Variants in KIF7 observed in about 807,000 individuals in gnomAD.
The protein encoded by KIF7 is kinesin-like protein KIF7.
Under a neutral mutation model 135.7 loss-of-function variants are expected in KIF7, and 104 were observed. The observed-to-expected ratio is 0.77, with a 90% CI of 0.65 to 0.90. The LOEUF (loss-of-function observed/expected upper bound fraction) is 0.90, where lower values mean the gene tolerates loss of function less well. KIF7 is among the 40% of genes least tolerant of loss of function. The probability of loss-of-function intolerance (pLI) is 0.00; values close to 1 mark genes in which losing one functional copy is unlikely to be tolerated. For synonymous variants in KIF7, 883 were observed against 809.4 expected, an observed-to-expected ratio of 1.09 and a Z score of -1.54; for missense variants, 2,005 against 1,839.1, an observed-to-expected ratio of 1.09 and a Z score of -1.65.
chr15:89,638,587 G>A (rs1345228499), intron 11 of KIF7, among the ~76,000 whole-genome samples: 1 of 149,478 alleles, frequency 6.7e-6, no homozygotes, highest in Non-Finnish European at 1.5e-5. Context: ...CAACTTACAA[G>A]GGATGTGAAG....
intron 11 of KIF7, among the ~76,000 whole-genome samples, chr15:89,639,477 C>G (rs1963877107): frequency 8.0e-6 from 1 of 125,256 alleles, no homozygotes; most frequent in African/African-American, 3.1e-5. Flanking sequence ...AAAAAGTGGG[C>G]AAAGGATATG....
rs779273024 is a variant in KIF7 at position 89,630,483 on chromosome 15, G to A, written c.3122C>T (p.Thr1041Met). 1.2e-5 allele frequency: 19 copies of A among 1,539,314 alleles called. No individual in the cohort carries two copies. The highest frequency in any genetic ancestry group is 6.0e-5 in the Admixed American group (3 of 49,650). The change falls in exon 16 of 19, where the codon ACG (threonine) becomes ATG (methionine). Residue 1041 changes from threonine (T) to methionine (M), a missense_variant. Physicochemically the swap from Thr to Met is moderately conservative, Grantham distance 81. Coordinates refer to ENST00000394412, the MANE Select transcript of KIF7 (RefSeq NM_198525.3). Reference protein sequence around the residue: ...GSLLSPEEERTLFQLDEAIEA... With the variant: ...GSLLSPEEERMLFQLDEAIEA... The stretch of plus-strand genomic sequence containing the variant: ...GATGGCCTCATCCAACTGGAACAGC[G>A]TCCGCTCCTCCTGCAGAGACGGGCA...
chr15:89,649,177 C>G lies in KIF7; in HGVS notation c.720G>C (p.Pro240=). 1.3e-6 allele frequency: 2 copies of G among 1,546,884 alleles called. No homozygotes were observed. The highest frequency in any genetic ancestry group is 1.7e-6 in the Non-Finnish European group (2 of 1,146,434). Reference sequence around the variant, plus strand: ...GGAACTTGGAGACGAGCAGCTGGCCCGGGGCGGGGCGGGGTAGGCGGCTGG... The same window carrying G: ...GGAACTTGGAGACGAGCAGCTGGCCGGGGGCGGGGCGGGGTAGGCGGCTGG... ...RAPSRLPRPA[P]GQLLVSKFHF... The change falls in exon 4 of 19, where the codon CCG becomes CCC. Residue 240 remains proline, a synonymous_variant. Transcript: ENST00000394412.
At chr15:89,629,840 G>C in intron 16 of KIF7, 1 of 570,232 alleles carries the variant, frequency 1.8e-6, no homozygotes, top group Non-Finnish European at 3.1e-6. Flanking sequence ...AGAGCGTCAA[G>C]TTGTGGGATT....
rs942043191 is a variant in KIF7 at position 89,647,665 on chromosome 15, C to T, written c.1491G>A (p.Ala497=). ...QQLLTLQNQV[A]RLEEENRDFL... Reference sequence around the variant, plus strand: ...AGTCTCGGTTCTCCTCCTCCAGCCGCGCCACCTGGTTCTGCAGGGTCAGCA... The same window carrying T: ...AGTCTCGGTTCTCCTCCTCCAGCCGTGCCACCTGGTTCTGCAGGGTCAGCA... Residue 497 remains alanine (A), a synonymous_variant, in exon 6 of 19, where the codon GCG becomes GCA. Coordinates refer to ENST00000394412, the MANE Select transcript of KIF7 (RefSeq NM_198525.3). The T allele has an allele frequency of 8.1e-6, 13 of 1,609,482 alleles. No individual in the cohort carries two copies. The highest frequency in any genetic ancestry group is 1.1e-5 in the Non-Finnish European group (13 of 1,179,234).
At chr15:89,634,243 G>A (rs1963753188) in intron 11 of KIF7, among the ~76,000 whole-genome samples, 1 of 152,188 alleles carries the variant, frequency 6.6e-6, no homozygotes, top group Non-Finnish European at 1.5e-5. Flanking sequence ...AGGTTGCAGT[G>A]AGCCGGGATC....
rs1019422988 is a variant in KIF7 at position 89,648,765 on chromosome 15, T to A, written c.933A>T (p.Lys311Asn). 1.3e-6 allele frequency: 2 copies of A among 1,534,006 alleles called. No homozygotes were observed. The highest frequency in any genetic ancestry group is 2.7e-5 in the African/African-American group (2 of 72,948). The stretch of plus-strand genomic sequence containing the variant: ...TCTTGGCGTTCCCGCCCAGCGAGTC[T>A]TTGAGGATCCTGAGGGCGCGAGGGG... The part of the protein sequence containing the change: ...YRDSKITRIL[K>N]DSLGGNAKTV... The change falls in exon 5 of 19, where the codon AAA (lysine) becomes AAT (asparagine). Residue 311 changes from lysine (K) to asparagine (N), a missense_variant. Coordinates refer to ENST00000394412, the MANE Select transcript of KIF7 (RefSeq NM_198525.3).
rs758219521 is a variant in KIF7 at position 89,647,015 on chromosome 15, G to A, written c.1603C>T (p.Arg535Trp). The A allele has an allele frequency of 1.4e-5, 22 of 1,610,538 alleles. No homozygotes were observed. In the African/African-American group the frequency reaches 2.3e-4, roughly 17 times the overall value. The change falls in exon 7 of 19, where the codon CGG becomes TGG. Residue 535 changes from arginine to tryptophan, a missense_variant. Coordinates refer to ENST00000394412, the MANE Select transcript of KIF7 (RefSeq NM_198525.3). ...GGCCGCACCAGCTCTAACCGCAGCC[G>A]CAGTTCCACCATCTCCTCCTGCTGC... Reference protein sequence around the residue: ...REQQEEMVELRLRLELVRPGW... With the variant: ...REQQEEMVELWLRLELVRPGW...
rs796087646 is a variant in KIF7 at position 89,640,835 on chromosome 15, A to AG, written c.2394+1367_2394+1368insC. 2.4e-3 allele frequency among the ~76,000 whole-genome samples: 362 copies of AG among 150,402 alleles called. 2 individuals are homozygous for AG. Among genetic ancestry groups the AG allele is most frequent in the African/African-American group, 8.7e-3 (349 of 40,072 alleles). On this transcript the variant is annotated intron_variant, in intron 11 of 18. Coordinates refer to ENST00000394412, the MANE Select transcript of KIF7 (RefSeq NM_198525.3). ...ACACTGTCTCTACTTAAAAAAAAAA[A>AG]AAAAAAGAAAAAAATTAGCCAGGTG...
chr15:89,638,950 T>C (rs1347099678), intron 11 of KIF7, among the ~76,000 whole-genome samples: 1 of 151,790 alleles, frequency 6.6e-6, no homozygotes, highest in African/African-American at 2.4e-5. Flanking sequence ...AACAGAGATA[T>C]AGATCAATGG....
intron 10 of KIF7, among the ~76,000 whole-genome samples, chr15:89,643,628 T>G (rs982038962): frequency 3.9e-5 from 6 of 152,220 alleles, no homozygotes; most frequent in African/African-American, 1.4e-4. Flanking sequence ...GGCTCACGCC[T>G]CTAATCCCAG....
chr15:89,656,750 A>T (rs1361495635), upstream of KIF7, among the ~76,000 whole-genome samples: 1 of 152,178 alleles, frequency 6.6e-6, no homozygotes, highest in Non-Finnish European at 1.5e-5. Flanking sequence ...ATTAAGGAGA[A>T]ACTAAAACCT....
At chr15:89,637,092 C>T (rs1459495446) in intron 11 of KIF7, among the ~76,000 whole-genome samples, 3 of 94,648 alleles carry the variant, frequency 3.2e-5, no homozygotes, top group African/African-American at 4.3e-5. Flanking sequence ...GGGTACATAA[C>T]GAAATGAAGG....
intron 12 of KIF7, 91 bp downstream of exon 12, chr15:89,633,595 G>A: frequency 6.5e-6 from 9 of 1,391,860 alleles, no homozygotes; most frequent in Non-Finnish European, 8.9e-6. Context: ...CGTGGCTGTG[G>A]GTTGCAAACC....
Position 89,649,284 on chromosome 15 carries a change from T to C in KIF7, c.613A>G (p.Thr205Ala). 5 of 1,509,770 alleles carry C rather than the reference T, an allele frequency of 3.3e-6. No homozygotes were observed. The highest frequency in any genetic ancestry group is 3.6e-6 in the Non-Finnish European group (4 of 1,124,492). 93.5% of individuals were successfully genotyped at this position (1,509,770 alleles called of 1,614,324 possible). ...AGGTGGTTGAGGTGCGTGGCTCCCG[T>C]GTGCCGCGCCGCGTTGCCCATCTCC... The part of the protein sequence containing the change: ...LLEMGNAARH[T>A]GATHLNHLSS... The change falls in exon 4 of 19, where the codon ACG becomes GCG. Residue 205 changes from threonine (T) to alanine (A), a missense_variant. Thr to Ala is a moderately conservative substitution (Grantham distance 58). Coordinates refer to ENST00000394412, the MANE Select transcript of KIF7 (RefSeq NM_198525.3).
chr15:89,625,567 A>G (rs966208051), downstream of KIF7: 1 of 1,613,036 alleles, frequency 6.2e-7, no homozygotes, highest in Non-Finnish European at 8.5e-7. Flanking sequence ...GTCGCCTCCC[A>G]GGAACAGCAT....
At chr15:89,641,849 C>T (rs765194811) in intron 11 of KIF7, among the ~76,000 whole-genome samples, 8 of 152,074 alleles carry the variant, frequency 5.3e-5, no homozygotes, top group Non-Finnish European at 7.4e-5. Context: ...CATGGACCAA[C>T]GGATAGACAG....
chr15:89,617,754 C>T (rs1275348451), intron 2 of KIF7, among the ~76,000 whole-genome samples: 2 of 148,778 alleles, frequency 1.3e-5, no homozygotes, highest in Admixed American at 6.8e-5. Context: ...TGCAGTGGCG[C>T]GATCCTGGCT....
chr15:89,624,883 G>A (rs565225104), downstream of KIF7: 46 of 1,613,984 alleles, frequency 2.9e-5, no homozygotes, highest in South Asian at 4.4e-5. Context: ...TTCCCGTGAC[G>A]TGCACTGTAC....
Sources: allele counts gnomAD v4.1 joint callset (sites outside exome capture counted in the v4.1 genomes callset), GRCh38; gene constraint gnomAD v4.1.1; transcripts MANE v1.5; gene names NCBI Gene and HGNC (gene_info 2026-07-23, HGNC 2026-07-21).